The following NRXN1 variants were observed in gnomAD, a reference collection of about 807,000 sequenced individuals.
NRXN1 encodes neurexin 1, also known as neurexin-1.
In NRXN1, 39 loss-of-function variants were observed where a neutral mutation model predicts 150.9. The observed-to-expected ratio is 0.26, with a 90% CI of 0.20 to 0.34. The LOEUF (loss-of-function observed/expected upper bound fraction) is 0.34, where lower values mean the gene tolerates loss of function less well. Among genes scored for constraint, NRXN1 ranks in the 10% least tolerant of loss-of-function variants. The probability of loss-of-function intolerance (pLI) is 1.00; values close to 1 mark genes in which losing one functional copy is unlikely to be tolerated. For synonymous variants in NRXN1, 924 were observed against 757.0 expected (o/e 1.22, Z -3.62); for missense variants, 1,815 against 1,949.9 (o/e 0.93, Z 1.30).
chr2:50,302,738 G>GA lies in NRXN1; in HGVS notation c.3365-65769dup, dbSNP rs562692201. ...ACATCTTTCATTACGCTAGTTTCAA[G>GA]AAAAAACACTCCTTTTCACTGAAAT... On this transcript the variant is annotated intron_variant, in intron 17 of 22. Transcript: ENST00000401669. Among the ~76,000 whole-genome samples, 21 of 151,968 alleles carry GA rather than the reference G, an allele frequency of 1.4e-4. No homozygotes were observed. The South Asian group carries it at 3.7e-3, about 27-fold the overall frequency.
chr2:50,387,018 G>A (rs1011852762), intron 17 of NRXN1, among the ~76,000 whole-genome samples: 1 of 152,170 alleles, frequency 6.6e-6, no homozygotes, highest in Admixed American at 6.6e-5. Context: ...TCTAAAGTTA[G>A]CATTCCTTGC....
rs547766486 is a variant in NRXN1 at position 49,952,734 on chromosome 2, A to T, written c.4129-8943T>A. Among the ~76,000 whole-genome samples the T allele has an allele frequency of 2.6e-5, 4 of 152,216 alleles. 1 individual carries two copies. Among genetic ancestry groups the T allele is most frequent in the African/African-American group, 9.6e-5 (4 of 41,562 alleles). On this transcript the variant is annotated intron_variant, in intron 21 of 22. Transcript: ENST00000401669. ...TCAATGAACTCCCTGCTCTCTTCTC[A>T]TTAAGCCACTGATTAAAATCCTTCC...
intron 17 of NRXN1, among the ~76,000 whole-genome samples, chr2:50,316,631 G>T (rs1558511850): frequency 6.6e-6 from 1 of 151,964 alleles, no homozygotes; most frequent in Non-Finnish European, 1.5e-5. Flanking sequence ...ACTCTTAAAG[G>T]TTATGATTCT....
Position 51,028,220 on chromosome 2 carries a change from C to A in NRXN1, c.54G>T (p.Leu18=). The A allele has an allele frequency of 1.4e-6, 2 of 1,478,188 alleles. No individual in the cohort carries two copies. The highest frequency in any genetic ancestry group is 1.8e-6 in the Non-Finnish European group (2 of 1,121,578). The allele number at this position is 1,478,188 out of a possible 1,614,324, so 91.6% of individuals were successfully genotyped here. ...RGGCFLLCLS[L]LLLGCWAELG... Reference sequence around the variant, plus strand: ...GCTCCGCCCAGCAGCCCAGGAGCAGCAGCGAGAGGCACAGAAGAAAACAGC... The same window carrying A: ...GCTCCGCCCAGCAGCCCAGGAGCAGAAGCGAGAGGCACAGAAGAAAACAGC... Residue 18 remains leucine, a synonymous_variant, in exon 2 of 23, where the codon CTG becomes CTT. Coordinates refer to ENST00000401669, the MANE Select transcript of NRXN1 (RefSeq NM_001330078.2).
chr2:50,291,452 C>T (rs2072915250), intron 17 of NRXN1, among the ~76,000 whole-genome samples: 1 of 152,172 alleles, frequency 6.6e-6, no homozygotes, highest in Non-Finnish European at 1.5e-5. Flanking sequence ...GATACTTTGC[C>T]AGGCTGAGAA....
intron 21 of NRXN1, among the ~76,000 whole-genome samples, chr2:49,960,077 G>C (rs1187770422): frequency 6.6e-6 from 1 of 151,750 alleles, no homozygotes; most frequent in African/African-American, 2.4e-5. Context: ...TTCTTTTTTT[G>C]TTTCATAATA....
chr2:50,739,742 T>G (rs1699205577), intron 5 of NRXN1, among the ~76,000 whole-genome samples: 1 of 152,222 alleles, frequency 6.6e-6, no homozygotes, highest in African/African-American at 2.4e-5. Flanking sequence ...ATAGGAAGTA[T>G]CACAGATTAT....
intron 18 of NRXN1, among the ~76,000 whole-genome samples, chr2:50,198,792 A>C (rs1230164056): frequency 1.3e-5 from 2 of 152,096 alleles, no homozygotes; most frequent in African/African-American, 4.8e-5. Flanking sequence ...TGAATATTGC[A>C]TGGTTTCTTG....
Position 51,028,386 on chromosome 2 carries a change from C to T in NRXN1, c.-113G>A, listed in dbSNP as rs200201783. On this transcript the variant is annotated 5_prime_UTR_variant, in exon 2 of 23. Coordinates refer to ENST00000401669, the MANE Select transcript of NRXN1 (RefSeq NM_001330078.2). ...AGAGACAGAAAGGTAAGGGGAAAGG[C>T]GGGAGTGAGAGGGATGTGCCCTCCT... is the stretch of plus-strand genomic sequence containing the variant. 5 of 667,066 alleles carry T rather than the reference C, an allele frequency of 7.5e-6. No homozygotes were observed. The Admixed American group carries it at 1.1e-4, about 14-fold the overall frequency. The allele number at this position is 667,066 out of a possible 1,614,324, so 41.3% of individuals were successfully genotyped here. A position where few individuals can be genotyped will look rare whatever the true frequency, so the allele number is the denominator to read the frequency against.
chr2:50,193,514 T>C (rs1444251493), intron 18 of NRXN1, among the ~76,000 whole-genome samples: 1 of 152,200 alleles, frequency 6.6e-6, no homozygotes, highest in Non-Finnish European at 1.5e-5. Flanking sequence ...ATATTATGTA[T>C]AACCTTGGGT....
chr2:50,876,978 T>C (rs1283189908), intron 5 of NRXN1, among the ~76,000 whole-genome samples: 1 of 151,916 alleles, frequency 6.6e-6, no homozygotes, highest in Non-Finnish European at 1.5e-5. Context: ...AGTTACTTCT[T>C]ATTTTCTTCC....
chr2:50,830,603 G>A (rs931089556), intron 5 of NRXN1, among the ~76,000 whole-genome samples: 1 of 151,170 alleles, frequency 6.6e-6, no homozygotes, highest in Admixed American at 6.6e-5. Flanking sequence ...CCTGCACCAA[G>A]GATCACTTTC....
intron 19 of NRXN1, among the ~76,000 whole-genome samples, chr2:50,081,916 T>A: frequency 6.6e-6 from 1 of 152,230 alleles, no homozygotes; most frequent in Middle Eastern, 3.4e-3. Context: ...TTATAAACTA[T>A]AAACTATATG....
At chr2:50,827,087 G>A (rs1670557448) in intron 5 of NRXN1, among the ~76,000 whole-genome samples, 1 of 152,194 alleles carries the variant, frequency 6.6e-6, no homozygotes, top group Non-Finnish European at 1.5e-5. Context: ...TGCTACCGCT[G>A]AGTAAAAAAA....
chr2:50,459,420 G>A (rs1420192543), intron 17 of NRXN1, among the ~76,000 whole-genome samples: 1 of 152,190 alleles, frequency 6.6e-6, no homozygotes, highest in South Asian at 2.1e-4. Context: ...CAGGTATTAA[G>A]CCTAGTAGCC....
intron 5 of NRXN1, among the ~76,000 whole-genome samples, chr2:50,907,429 A>G (rs980941074): frequency 7.2e-5 from 11 of 152,210 alleles, no homozygotes; most frequent in African/African-American, 2.4e-4. Flanking sequence ...TCTGTCCTTC[A>G]TTACAGCAGT....
chr2:50,676,290 C>T (rs530107653), intron 5 of NRXN1, among the ~76,000 whole-genome samples: 2 of 152,192 alleles, frequency 1.3e-5, no homozygotes, highest in Non-Finnish European at 2.9e-5. Flanking sequence ...ACCTATAGAA[C>T]CACGAGCAAA....
chr2:50,953,886 A>C (rs1691841159), intron 2 of NRXN1, among the ~76,000 whole-genome samples: 1 of 152,184 alleles, frequency 6.6e-6, no homozygotes, highest in East Asian at 1.9e-4. Context: ...GAGTCACACC[A>C]ATTGTCATTA....
chr2:50,932,659 G>A (rs960939530), intron 2 of NRXN1, among the ~76,000 whole-genome samples: 2 of 151,968 alleles, frequency 1.3e-5, no homozygotes, highest in African/African-American at 4.8e-5. Context: ...GTGCACCAAC[G>A]TCTCAGAAAT....
Sources: gnomAD v4.1 joint callset for allele counts (sites outside exome capture counted in the v4.1 genomes callset) on GRCh38, gnomAD v4.1.1 for gene constraint, MANE v1.5 for transcripts, NCBI Gene and HGNC (gene_info 2026-07-23, HGNC 2026-07-21) for gene names.